The following SLC2A11 variants were observed in gnomAD, a reference collection of about 807,000 sequenced individuals.
SLC2A11 encodes solute carrier family 2, facilitated glucose transporter member 11.
A neutral mutation model predicts 52.1 loss-of-function variants in SLC2A11; 43 were observed. The ratio of observed to expected loss-of-function variants is 0.82; its 90% CI spans 0.65 to 1.06. The LOEUF (loss-of-function observed/expected upper bound fraction) is 1.06. SLC2A11 is among the 50% of genes least tolerant of loss of function. The pLI is 0.00. For missense variants in SLC2A11, 582 were observed against 654.2 expected (o/e 0.89, Z 1.20); for synonymous variants, 261 against 277.6 (o/e 0.94, Z 0.59).
At chr22:23,864,159 G>T (rs1011090657) in intron 2 of SLC2A11, among the ~76,000 whole-genome samples, 2 of 152,026 alleles carry the variant, frequency 1.3e-5, no homozygotes, top group Admixed American at 1.3e-4. Flanking sequence ...ACCTTTATGG[G>T]GAACCAAGGG....
chr22:23,868,409 G>A, intron 2 of SLC2A11, 72 bp from the exon 3 acceptor site: 2 of 1,568,780 alleles, frequency 1.3e-6, no homozygotes, highest in South Asian at 1.2e-5. Context: ...GCCCTGTTGG[G>A]GAGAAGGCTT....
Position 23,858,133 on chromosome 22 carries a change from C to T in SLC2A11, c.30+104C>T, listed in dbSNP as rs73398579. ...CACCTGGGAGGCTTAACTAAGTCGT[C>T]AAATGTTCAAAAATATCGTGCTTGT... On this transcript the variant is annotated intron_variant, in intron 1 of 11. Transcript: ENST00000316185. 1.6e-3 allele frequency: 2,267 copies of T among 1,445,714 alleles called. 33 individuals carry two copies. The African/African-American group carries it at 0.026, about 17-fold the overall frequency. The allele number at this position is 1,445,714 out of a possible 1,614,324, so 89.6% of individuals were successfully genotyped here. A position where few individuals can be genotyped will look rare whatever the true frequency, so the allele number is the denominator to read the frequency against.
At chr22:23,860,747 G>A (rs1434746590) in intron 1 of SLC2A11, among the ~76,000 whole-genome samples, 1 of 146,036 alleles carries the variant, frequency 6.8e-6, no homozygotes, top group Non-Finnish European at 1.5e-5. Context: ...TTTTTTTTGA[G>A]ACGGAGTCTC....
At position 23,868,653 on chromosome 22, in the gene SLC2A11, C is replaced by G. The variant is rs191801092; in HGVS notation, c.290+12C>G. ...ATCACGCTGGGAAGGTAAGTGCTTC[C>G]TGCATACCCCCTGAATGCCCTTTAA... On this transcript the variant is annotated intron_variant, in intron 3 of 11. Coordinates refer to ENST00000316185, the MANE Select transcript of SLC2A11 (RefSeq NM_001024939.4). 3 of 1,613,750 alleles carry G rather than the reference C, an allele frequency of 1.9e-6. No homozygotes were observed. Among genetic ancestry groups the G allele is most frequent in the Non-Finnish European group, 1.7e-6 (2 of 1,179,800 alleles).
At chr22:23,869,979 G>A in intron 3 of SLC2A11, 1 of 717,518 alleles carries the variant, frequency 1.4e-6, no homozygotes. Context: ...TGAAGGTGGA[G>A]TTCTCATGGC....
At position 23,876,987 on chromosome 22, in the gene SLC2A11, G is replaced by A. The variant is rs368813327; in HGVS notation, c.416-55G>A. 62 of 1,612,048 alleles carry A rather than the reference G, an allele frequency of 3.8e-5. No individual in the cohort carries two copies. The African/African-American group carries it at 5.5e-4, about 14-fold the overall frequency. ...GGGCAGGGGAGACAGGCTGGGTGTC[G>A]TGGAGTGGGGGTCCCAGCTGGTGGC... On this transcript the variant is annotated intron_variant, in intron 4 of 11. Coordinates refer to ENST00000316185, the MANE Select transcript of SLC2A11 (RefSeq NM_001024939.4).
chr22:23,882,662 C>G lies in SLC2A11; in HGVS notation c.882+16C>G, dbSNP rs368206511. 6.2e-7 allele frequency: 1 copy of G among 1,608,342 alleles called. No homozygotes were observed. The highest frequency in any genetic ancestry group is 8.5e-7 in the Non-Finnish European group (1 of 1,176,732). Reference sequence around the variant, plus strand: ...GAATGACTCGGTGAGACCCCTGCCCCGCCGCACACCCTGGGCCCCGGGGGC... The same window carrying G: ...GAATGACTCGGTGAGACCCCTGCCCGGCCGCACACCCTGGGCCCCGGGGGC... On this transcript the variant is annotated intron_variant, in intron 7 of 11. Transcript: ENST00000316185.
chr22:23,881,981 CAGAG>C (rs777132523), intron 6 of SLC2A11: 5 of 119,662 alleles, frequency 4.2e-5, no homozygotes, highest in South Asian at 1.7e-4. Flanking sequence ...CACACAGAGA[CAGAG>C]AGATTGAGAG....
chr22:23,868,538 G>A lies in SLC2A11; in HGVS notation c.187G>A (p.Asp63Asn), dbSNP rs7292659. The part of the protein sequence containing the change: ...WQARTGEPLP[D>N]HLVLLMWSLI... The stretch of plus-strand genomic sequence containing the variant: ...GGCGCGTACTGGAGAGCCACTGCCC[G>A]ATCACCTAGTCCTGCTTATGTGGTC... The change falls in exon 3 of 12, where the codon GAT becomes AAT. Residue 63 changes from aspartate to asparagine, a missense_variant. By Grantham distance (23) the Asp-to-Asn change is conservative. Transcript: ENST00000316185. 9.6e-4 allele frequency: 1,552 copies of A among 1,614,192 alleles called. 11 individuals carry two copies. The African/African-American group carries it at 0.017, about 17-fold the overall frequency.
chr22:23,871,381 C>T (rs2032449768), intron 3 of SLC2A11: 1 of 144,792 alleles, frequency 6.9e-6, no homozygotes, highest in Non-Finnish European at 1.5e-5. Flanking sequence ...GCACTCCAGC[C>T]TGGTAGACAA....
chr22:23,882,255 C>T (rs1464618333), intron 6 of SLC2A11: 1 of 577,816 alleles, frequency 1.7e-6, no homozygotes, highest in Non-Finnish European at 3.0e-6. Flanking sequence ...GAGAGAAACA[C>T]ACACACACAC....
chr22:23,857,891 C>T lies in SLC2A11; in HGVS notation c.-109C>T, dbSNP rs1601479728. ...CGCTAGCGCCTCTTTCACCACTGGG[C>T]GCTGCGCGCTGCCCTTCCCTCCGCG... On this transcript the variant is annotated 5_prime_UTR_variant, in exon 1 of 12. Transcript: ENST00000316185. 4 of 1,560,344 alleles carry T rather than the reference C, an allele frequency of 2.6e-6. No individual in the cohort carries two copies. Among genetic ancestry groups the T allele is most frequent in the South Asian group, 1.2e-5 (1 of 84,724 alleles).
In SLC2A11 at chr22:23,882,829, T is replaced by TCGGGACTGGGAGCTGCGAGCTGCTC; in HGVS notation, c.954_978dup (p.Thr327ArgfsTer13). The TCGGGACTGGGAGCTGCGAGCTGCTC allele has an allele frequency of 6.2e-7, 1 of 1,613,762 alleles. No individual in the cohort carries two copies. Among genetic ancestry groups the TCGGGACTGGGAGCTGCGAGCTGCTC allele is most frequent in the Non-Finnish European group, 8.5e-7 (1 of 1,179,850 alleles). Reference sequence around the variant, plus strand: ...GAAGCGAAGATCCAGTACGCGATCATCGGGACTGGGAGCTGCGAGCTGCTC... The same window carrying TCGGGACTGGGAGCTGCGAGCTGCTC: ...GAAGCGAAGATCCAGTACGCGATCATCGGGACTGGGAGCTGCGAGCTGCTCCGGGACTGGGAGCTGCGAGCTGCTC... On this transcript the variant is annotated frameshift_variant, in exon 8 of 12. Transcript: ENST00000316185. LOFTEE classifies it high-confidence loss of function.
At chr22:23,875,330 T>A in intron 4 of SLC2A11, 89 bp downstream of exon 4, 1 of 1,264,878 alleles carries the variant, frequency 7.9e-7, no homozygotes, top group Non-Finnish European at 1.0e-6. Context: ...TTCCTTCATT[T>A]CCTCCCTTTA....
At chr22:23,862,373 C>G in intron 2 of SLC2A11, 171 bp downstream of exon 2, 1 of 603,840 alleles carries the variant, frequency 1.7e-6, no homozygotes, top group Non-Finnish European at 3.0e-6. Context: ...CATACATCTT[C>G]CCCAAACCTG....
chr22:23,866,047 T>C, intron 2 of SLC2A11: 1 of 151,992 alleles, frequency 6.6e-6, no homozygotes, highest in Non-Finnish European at 1.5e-5. Flanking sequence ...CATGGGCCTG[T>C]AGTTGTAGGG....
intron 6 of SLC2A11, among the ~76,000 whole-genome samples, chr22:23,878,876 C>T (rs1307154215): frequency 6.6e-6 from 1 of 152,180 alleles, no homozygotes; most frequent in Non-Finnish European, 1.5e-5. Flanking sequence ...AACCTAGGAT[C>T]TAGAAAGATG....
At chr22:23,859,343 C>G (rs573541452) in intron 1 of SLC2A11, among the ~76,000 whole-genome samples, 1 of 152,344 alleles carries the variant, frequency 6.6e-6, no homozygotes, top group African/African-American at 2.4e-5. Context: ...TATGGCAAGG[C>G]CTTCAGCAGG....
At chr22:23,876,186 C>T (rs543557037) in intron 4 of SLC2A11, among the ~76,000 whole-genome samples, 1 of 152,202 alleles carries the variant, frequency 6.6e-6, no homozygotes, top group South Asian at 2.1e-4. Flanking sequence ...GTCCTAATTC[C>T]AGAGGTCATA....
Sources: allele counts gnomAD v4.1 joint callset (sites outside exome capture counted in the v4.1 genomes callset), GRCh38; gene constraint gnomAD v4.1.1; transcripts MANE v1.5; gene names NCBI Gene and HGNC (gene_info 2026-07-23, HGNC 2026-07-21).